The following LPP variants were observed in gnomAD, a reference collection of about 807,000 sequenced individuals.
The protein encoded by LPP is LIM domain containing preferred translocation partner in lipoma.
LPP carries 38 observed loss-of-function variants against 60.4 expected under a neutral mutation model. The observed-to-expected ratio is 0.63, with a 90% CI of 0.49 to 0.83. LPP has a LOEUF of 0.83. Among genes scored for constraint, LPP ranks in the 40% least tolerant of loss-of-function variants. LPP has a pLI of 0.00. For synonymous variants in LPP, 328 were observed against 290.8 expected (o/e 1.13, Z -1.30); for missense variants, 902 against 783.6 (o/e 1.15, Z -1.80).
chr3:188,739,048 G>T (rs1049859807), intron 8 of LPP, among the ~76,000 whole-genome samples: 1 of 152,098 alleles, frequency 6.6e-6, no homozygotes, highest in Admixed American at 6.6e-5. Flanking sequence ...TCAAGATCTT[G>T]TAGGTGAGAT....
intron 9 of LPP, among the ~76,000 whole-genome samples, chr3:188,838,805 A>G (rs896396512): frequency 6.6e-6 from 1 of 152,158 alleles, no homozygotes; most frequent in South Asian, 2.1e-4. Flanking sequence ...GAGTTGAACA[A>G]TGAAAACACA....
chr3:188,871,143 A>G (rs1767996258), intron 10 of LPP, among the ~76,000 whole-genome samples: 1 of 152,196 alleles, frequency 6.6e-6, no homozygotes, highest in Non-Finnish European at 1.5e-5. Flanking sequence ...GGAGTAAATA[A>G]TTCTATTTGG....
At chr3:188,649,202 G>A (rs1166608546) in intron 7 of LPP, among the ~76,000 whole-genome samples, 1 of 152,140 alleles carries the variant, frequency 6.6e-6, no homozygotes, top group Non-Finnish European at 1.5e-5. Context: ...ATTTCTCAAA[G>A]CCCTACATTT....
In LPP at chr3:188,877,363, A is replaced by T. The variant is rs186503389; in HGVS notation, c.*2884A>T. 611 of 182,004 alleles carry T rather than the reference A, an allele frequency of 3.4e-3. 3 individuals carry two copies. Among genetic ancestry groups the T allele is most frequent in the African/African-American group, 0.014 (580 of 42,620 alleles). 11.3% of individuals were successfully genotyped at this position (182,004 alleles called of 1,614,324 possible). A position where few individuals can be genotyped will look rare whatever the true frequency, so the allele number is the denominator to read the frequency against. ...ACAGAAAGTTTGTAAAAATATACTG[A>T]TTTTGAAAAGTATCAGGAATATAAA... On this transcript the variant is annotated 3_prime_UTR_variant, in exon 12 of 12. Coordinates refer to ENST00000617246, the MANE Select transcript of LPP (RefSeq NM_001375462.1).
chr3:188,441,026 A>ATGTGTGTG (rs10671285), intron 4 of LPP, among the ~76,000 whole-genome samples: 1 of 146,352 alleles, frequency 6.8e-6, no homozygotes, highest in Non-Finnish European at 1.5e-5. Flanking sequence ...CTCCCTTAAT[A>ATGTGTGTG]TGTGTGTGTG....
intron 2 of LPP, among the ~76,000 whole-genome samples, chr3:188,316,695 C>G (rs769393110): frequency 6.6e-6 from 1 of 152,204 alleles, no homozygotes; most frequent in Non-Finnish European, 1.5e-5. Flanking sequence ...TGACCTCTTC[C>G]TATGTCTCAT....
intron 9 of LPP, among the ~76,000 whole-genome samples, chr3:188,864,847 A>G (rs1766196179): frequency 6.6e-6 from 1 of 152,212 alleles, no homozygotes; most frequent in Non-Finnish European, 1.5e-5. Context: ...ATTTGATCAC[A>G]TCTGTGTTTG....
At chr3:188,383,645 T>C (rs1777463958) in intron 3 of LPP, among the ~76,000 whole-genome samples, 1 of 152,196 alleles carries the variant, frequency 6.6e-6, no homozygotes, top group Non-Finnish European at 1.5e-5. Context: ...TCTGAACCTC[T>C]CCTTACTTTT....
intron 4 of LPP, among the ~76,000 whole-genome samples, chr3:188,456,507 G>A (rs142684817): frequency 1.3e-5 from 2 of 152,354 alleles, no homozygotes; most frequent in East Asian, 3.9e-4. Context: ...GGCTTAGTGT[G>A]GGAGATGCCT....
intron 8 of LPP, among the ~76,000 whole-genome samples, chr3:188,756,171 A>G (rs1288199762): frequency 6.6e-6 from 1 of 152,198 alleles, no homozygotes; most frequent in Non-Finnish European, 1.5e-5. Context: ...TAGATGGGAG[A>G]GCAGAGGTGA....
chr3:188,249,876 C>T (rs1370913791), intron 2 of LPP, among the ~76,000 whole-genome samples: 1 of 123,622 alleles, frequency 8.1e-6, no homozygotes, highest in East Asian at 2.2e-4. Context: ...ACACAGTCTC[C>T]CCCACCCCAT....
intron 7 of LPP, among the ~76,000 whole-genome samples, chr3:188,646,920 AT>A (rs1382657211): frequency 6.6e-6 from 1 of 152,222 alleles, no homozygotes; most frequent in Non-Finnish European, 1.5e-5. Flanking sequence ...CTTCCTGGAC[AT>A]TTGTGTCTAG....
intron 6 of LPP, among the ~76,000 whole-genome samples, chr3:188,587,744 C>T (rs992345168): frequency 7.2e-5 from 11 of 152,232 alleles, no homozygotes; most frequent in South Asian, 4.2e-4. Flanking sequence ...AAATAAGTTG[C>T]GAATCTTGTA....
intron 5 of LPP, among the ~76,000 whole-genome samples, chr3:188,507,062 G>A: frequency 6.9e-6 from 1 of 145,412 alleles, no homozygotes; most frequent in Non-Finnish European, 1.5e-5. Flanking sequence ...CTCCCAAAGT[G>A]CTGGGATTAC....
chr3:188,375,462 C>A (rs1774739302), intron 3 of LPP, among the ~76,000 whole-genome samples: 1 of 152,138 alleles, frequency 6.6e-6, no homozygotes, highest in Non-Finnish European at 1.5e-5. Context: ...AGGAATTTAT[C>A]CATTTATTCT....
At chr3:188,354,558 A>G (rs1438415752) in intron 3 of LPP, among the ~76,000 whole-genome samples, 3 of 152,172 alleles carry the variant, frequency 2.0e-5, no homozygotes, top group Non-Finnish European at 4.4e-5. Context: ...GTGGGGAGGA[A>G]TGGATGTTTT....
intron 2 of LPP, among the ~76,000 whole-genome samples, chr3:188,240,376 TGAGA>T (rs1553827496): frequency 4.2e-5 from 6 of 143,232 alleles, no homozygotes; most frequent in Non-Finnish European, 9.1e-5. Flanking sequence ...TGTGTGTGTG[TGAGA>T]GAGAGACAGA....
intron 4 of LPP, among the ~76,000 whole-genome samples, chr3:188,455,138 G>A (rs1453412932): frequency 1.3e-5 from 2 of 152,114 alleles, no homozygotes; most frequent in Admixed American, 6.6e-5. Context: ...AGATAACACA[G>A]GTGCTATTTT....
At chr3:188,363,023 A>G (rs1358326949) in intron 3 of LPP, among the ~76,000 whole-genome samples, 2 of 76,710 alleles carry the variant, frequency 2.6e-5, no homozygotes, top group Non-Finnish European at 5.4e-5. Flanking sequence ...ATTATTATCT[A>G]TTTATTTTAT....
Sources: gnomAD v4.1 joint callset for allele counts (sites outside exome capture counted in the v4.1 genomes callset) on GRCh38, gnomAD v4.1.1 for gene constraint, MANE v1.5 for transcripts, NCBI Gene and HGNC (gene_info 2026-07-23, HGNC 2026-07-21) for gene names.